The following TRAPPC8 variants were observed in gnomAD, a reference collection of about 807,000 sequenced individuals.
TRAPPC8 encodes general sporulation gene 1 homolog.
Under a neutral mutation model 174.3 loss-of-function variants are expected in TRAPPC8, and 54 were observed. That is an observed-to-expected ratio of 0.31 (90% CI 0.25 to 0.39). TRAPPC8 has a LOEUF of 0.39. TRAPPC8 is among the 10% of genes least tolerant of loss of function. The pLI is 1.00. For missense variants in TRAPPC8, 1,531 were observed against 1,699.1 expected (o/e 0.90, Z 1.74); for synonymous variants, 630 against 579.9 (o/e 1.09, Z -1.24).
chr18:31,941,217 C>T (rs2038325703), intron 1 of TRAPPC8, among the ~76,000 whole-genome samples: 1 of 152,128 alleles, frequency 6.6e-6, no homozygotes. Flanking sequence ...CCGAGGCGGG[C>T]AGATCACCTG....
intron 11 of TRAPPC8, among the ~76,000 whole-genome samples, chr18:31,893,959 CCT>C (rs1335053103): frequency 3.3e-5 from 5 of 152,252 alleles, no homozygotes; most frequent in East Asian, 3.9e-4. Context: ...AAGAATATCC[CCT>C]GAGAATATTT....
intron 27 of TRAPPC8, 36 bp downstream of exon 27, chr18:31,839,276 T>C: frequency 6.3e-7 from 1 of 1,580,726 alleles, no homozygotes; most frequent in Middle Eastern, 1.7e-4. Context: ...GCCAGTGTGT[T>C]GTAGAAAATT....
intron 27 of TRAPPC8, among the ~76,000 whole-genome samples, chr18:31,838,320 C>T (rs1283926198): frequency 1.3e-5 from 2 of 152,194 alleles, no homozygotes; most frequent in East Asian, 3.9e-4. Flanking sequence ...GCTCTTATAA[C>T]TACCCCCTGA....
At chr18:31,868,239 T>C (rs2034680054) in intron 16 of TRAPPC8, among the ~76,000 whole-genome samples, 1 of 152,212 alleles carries the variant, frequency 6.6e-6, no homozygotes, top group African/African-American at 2.4e-5. Context: ...ACTTTCACCA[T>C]GACATTATTT....
In TRAPPC8 at chr18:31,852,638, C is replaced by A. The variant is rs1288851445; in HGVS notation, c.3459G>T (p.Lys1153Asn). The change falls in exon 23 of 29, where the codon AAG becomes AAT. Residue 1153 changes from lysine (K) to asparagine (N), a missense_variant. Lys to Asn is a moderately conservative substitution (Grantham distance 94, BLOSUM62 0). Transcript: ENST00000283351. ...TTATTGCCTTAAAGCAAAACTTTCC[C>A]TTCTCCCTACTGGCAAGTTTGGTAT... ...NKDTKLASREKGKFCFKAIRC... is the reference protein window; with the variant it reads ...NKDTKLASRENGKFCFKAIRC... The A allele has an allele frequency of 1.9e-6, 3 of 1,613,766 alleles. No homozygotes were observed. Among genetic ancestry groups the A allele is most frequent in the Middle Eastern group, 3.3e-4 (2 of 6,082 alleles).
Position 31,830,883 on chromosome 18 carries a change from A to C in TRAPPC8, c.4180T>G (p.Phe1394Val). The C allele has an allele frequency of 6.2e-7, 1 of 1,614,238 alleles. No homozygotes were observed. Among genetic ancestry groups the C allele is most frequent in the Non-Finnish European group, 8.5e-7 (1 of 1,180,038 alleles). The part of the protein sequence containing the change: ...EIHSLQLKAC[F>V]VHTGVYNLGT... ...AGGTTATAAACACCTGTATGAACAA[A>C]GCATGCTTTCAGCTGCAGACTGTGA... The change falls in exon 29 of 29, where the codon TTT becomes GTT. Residue 1394 changes from phenylalanine (F) to valine (V), a missense_variant. Phe to Val is a conservative substitution (Grantham distance 50, BLOSUM62 -1). Transcript: ENST00000283351.
intron 12 of TRAPPC8, among the ~76,000 whole-genome samples, chr18:31,889,603 A>G (rs564643706): frequency 6.7e-6 from 1 of 149,060 alleles, no homozygotes; most frequent in Admixed American, 6.6e-5. Context: ...AAAAGCCATG[A>G]AAAGTAGTAA....
chr18:31,870,640 C>T (rs1022326869), intron 15 of TRAPPC8, 138 bp from the exon 16 acceptor site: 24 of 971,638 alleles, frequency 2.5e-5, no homozygotes, highest in Middle Eastern at 2.4e-4. Flanking sequence ...TAAATGTCCA[C>T]GTATTCAGGA....
chr18:31,883,224 G>GAAAAAA (rs397858732), intron 12 of TRAPPC8: 59 of 96,702 alleles, frequency 6.1e-4, no homozygotes, highest in African/African-American at 2.0e-3. Context: ...CTTCATCTCA[G>GAAAAAA]AAAAAAAAAA....
intron 11 of TRAPPC8, among the ~76,000 whole-genome samples, chr18:31,892,234 A>G (rs890523467): frequency 1.3e-5 from 2 of 151,790 alleles, no homozygotes; most frequent in African/African-American, 4.9e-5. Context: ...TTACAGCTTA[A>G]TAGTGTTGTG....
At position 31,862,983 on chromosome 18, in the gene TRAPPC8, C is replaced by T. The variant is rs533542389; in HGVS notation, c.2745+1644G>A. Among the ~76,000 whole-genome samples the T allele has an allele frequency of 3.4e-5, 5 of 145,746 alleles. No homozygotes were observed. In the East Asian group the frequency reaches 8.2e-4, roughly 24 times the overall value. On this transcript the variant is annotated intron_variant, in intron 19 of 28. Coordinates refer to ENST00000283351, the MANE Select transcript of TRAPPC8 (RefSeq NM_014939.5). ...AGGAGAATTGCTTGAACCTGGGAGA[C>T]GGAGGTTGCAGTGAGCCGAGATCCT... is the stretch of plus-strand genomic sequence containing the variant.
chr18:31,853,746 TA>T lies in TRAPPC8; in HGVS notation c.3433+102del, dbSNP rs1019251127. The T allele has an allele frequency of 7.5e-6, 6 of 801,830 alleles. No homozygotes were observed. In the Admixed American group the frequency reaches 2.0e-4, roughly 26 times the overall value. The allele number at this position is 801,830 out of a possible 1,614,324, so 49.7% of individuals were successfully genotyped here. On this transcript the variant is annotated intron_variant, in intron 22 of 28. Transcript: ENST00000283351. ...ACTAATGAAATCACAATTTAATGCTTAAAAAAGTTAATCCTAATAATCTTAA... is the reference window on the plus strand; with the variant it reads ...ACTAATGAAATCACAATTTAATGCTTAAAAAGTTAATCCTAATAATCTTAA...
chr18:31,903,510 T>C (rs2036533664), intron 9 of TRAPPC8, among the ~76,000 whole-genome samples: 1 of 152,114 alleles, frequency 6.6e-6, no homozygotes, highest in Admixed American at 6.5e-5. Flanking sequence ...CTTCAATAAG[T>C]AGAGAACAGA....
chr18:31,888,637 A>T (rs1375413908), intron 12 of TRAPPC8, among the ~76,000 whole-genome samples: 1 of 152,238 alleles, frequency 6.6e-6, no homozygotes. Context: ...GGAAGCTGGA[A>T]GCCATTATCC....
intron 10 of TRAPPC8, among the ~76,000 whole-genome samples, chr18:31,898,242 A>G (rs1270527699): frequency 6.6e-6 from 1 of 152,018 alleles, no homozygotes. Context: ...TTTCCCAAAT[A>G]TTTTTAATCT....
rs34416132 is a variant in TRAPPC8, at chr18:31,935,374, A to AAAAAAAC, written c.158-3852_158-3851insGTTTTTT. On this transcript the variant is annotated intron_variant, in intron 1 of 28. Transcript: ENST00000283351. The stretch of plus-strand genomic sequence containing the variant: ...AACAAACAAACAAACCAAAAAAAAA[A>AAAAAAAC]CAGGCTTTATAAATAAGTCTGCAAT... Among the ~76,000 whole-genome samples, 251 of 145,746 alleles carry AAAAAAAC rather than the reference A, an allele frequency of 1.7e-3. 16 individuals are homozygous for AAAAAAAC. Among genetic ancestry groups the AAAAAAAC allele is most frequent in the African/African-American group, 5.7e-3 (223 of 39,338 alleles).
Position 31,909,659 on chromosome 18 carries a change from A to C in TRAPPC8, c.865+8T>G. ...CAAAAGAGAAACTTAGAGAAAATATATCAAGACCTTTGACTTCGTTATCTA... is the reference window on the plus strand; with the variant it reads ...CAAAAGAGAAACTTAGAGAAAATATCTCAAGACCTTTGACTTCGTTATCTA... On this transcript the variant is annotated splice_region_variant and intron_variant, in intron 6 of 28. Transcript: ENST00000283351. The C allele has an allele frequency of 6.3e-7, 1 of 1,590,968 alleles. No homozygotes were observed. The highest frequency in any genetic ancestry group is 8.5e-7 in the Non-Finnish European group (1 of 1,173,626).
chr18:31,905,147 G>A (rs1339384229), intron 9 of TRAPPC8, among the ~76,000 whole-genome samples: 3 of 151,920 alleles, frequency 2.0e-5, no homozygotes, highest in African/African-American at 4.8e-5. Flanking sequence ...AAAGGCATAC[G>A]ATCTAGTCTA....
chr18:31,913,726 T>C (rs1270414357), intron 4 of TRAPPC8, among the ~76,000 whole-genome samples: 1 of 152,170 alleles, frequency 6.6e-6, no homozygotes, highest in Non-Finnish European at 1.5e-5. Flanking sequence ...AAAATCATGA[T>C]GGCAATTGAA....
Sources: gnomAD v4.1 joint callset for allele counts (sites outside exome capture counted in the v4.1 genomes callset) on GRCh38, gnomAD v4.1.1 for gene constraint, MANE v1.5 for transcripts, NCBI Gene and HGNC (gene_info 2026-07-23, HGNC 2026-07-21) for gene names.